UBE2E2: variants seen among roughly 807,000 people sequenced by gnomAD.
The protein encoded by UBE2E2 is ubiquitin conjugating enzyme E2 E2, also known as ubiquitin-conjugating enzyme E2 E2.
UBE2E2 carries 6 observed loss-of-function variants against 24.7 expected under a neutral mutation model. That is an observed-to-expected ratio of 0.24 (90% confidence interval 0.13 to 0.48). The LOEUF (loss-of-function observed/expected upper bound fraction) is 0.48. Ranked by LOEUF, UBE2E2 falls within the 20% of genes least tolerant of loss-of-function variation. The probability of loss-of-function intolerance (pLI) is 0.99; values close to 1 mark genes in which losing one functional copy is unlikely to be tolerated. For missense variants in UBE2E2, 169 were observed against 245.0 expected, an observed-to-expected ratio of 0.69 and a Z score of 2.07; for synonymous variants, 104 against 83.6, an observed-to-expected ratio of 1.24 and a Z score of -1.33.
At chr3:23,479,982 A>G (rs1024772654) in intron 3 of UBE2E2, among the ~76,000 whole-genome samples, 2 of 152,206 alleles carry the variant, frequency 1.3e-5, no homozygotes, top group African/African-American at 4.8e-5. Flanking sequence ...GACTTTGCTC[A>G]GAACTGGCAG....
At chr3:23,395,162 G>T (rs1480400900) in intron 3 of UBE2E2, among the ~76,000 whole-genome samples, 2 of 152,138 alleles carry the variant, frequency 1.3e-5, no homozygotes, top group Non-Finnish European at 2.9e-5. Flanking sequence ...ATCCCTCACA[G>T]CTTCCATCTT....
At chr3:23,268,154 T>A in intron 3 of UBE2E2, among the ~76,000 whole-genome samples, 1 of 148,472 alleles carries the variant, frequency 6.7e-6, no homozygotes, top group Admixed American at 6.7e-5. Context: ...ACAAGACAGG[T>A]TTTCCCTCTC....
intron 3 of UBE2E2, among the ~76,000 whole-genome samples, chr3:23,496,954 C>A (rs1699614496): frequency 6.6e-6 from 1 of 152,172 alleles, no homozygotes; most frequent in Non-Finnish European, 1.5e-5. Flanking sequence ...ATAACATAAA[C>A]ATTTCAATTA....
chr3:23,494,922 C>T (rs951530426), intron 3 of UBE2E2, among the ~76,000 whole-genome samples: 4 of 151,860 alleles, frequency 2.6e-5, no homozygotes, highest in African/African-American at 9.7e-5. Flanking sequence ...CAGGCGCCCA[C>T]CACCACACCT....
Position 23,280,976 on chromosome 3 carries a change from T to C in UBE2E2, c.227+63664T>C, listed in dbSNP as rs1355666439. ...GTCTGGTGAGAGCACTGTTCCTAGT[T>C]TGCAGACAGTCTTCTCATTGTATCC... On this transcript the variant is annotated intron_variant, in intron 3 of 5. Coordinates refer to ENST00000396703, the MANE Select transcript of UBE2E2 (RefSeq NM_152653.4). The surrounding 1 kb of genome is among the most constrained non-coding windows in gnomAD (Gnocchi z 4.3). Among the ~76,000 whole-genome samples, 1 of 152,208 alleles carries C rather than the reference T, an allele frequency of 6.6e-6. No individual in the cohort carries two copies. Among genetic ancestry groups the C allele is most frequent in the Admixed American group, 6.5e-5 (1 of 15,278 alleles).
chr3:23,275,118 C>A (rs950342862), intron 3 of UBE2E2, among the ~76,000 whole-genome samples: 10 of 152,072 alleles, frequency 6.6e-5, no homozygotes, highest in African/African-American at 2.4e-4. Flanking sequence ...TTGTTGATGC[C>A]CACATTCTAG....
chr3:23,272,553 C>T (rs1454627294), intron 3 of UBE2E2, among the ~76,000 whole-genome samples: 1 of 152,208 alleles, frequency 6.6e-6, no homozygotes, highest in Non-Finnish European at 1.5e-5. Flanking sequence ...CACGTTGTCA[C>T]CTCTCAGTAT....
intron 5 of UBE2E2, among the ~76,000 whole-genome samples, chr3:23,544,934 T>G (rs574990499): frequency 1.3e-3 from 198 of 152,278 alleles, no homozygotes; most frequent in African/African-American, 4.5e-3. Flanking sequence ...AACAAAGGTC[T>G]TTGCATCATA....
At chr3:23,223,046 GTCTC>G (rs556472818) in intron 3 of UBE2E2, among the ~76,000 whole-genome samples, 5 of 93,166 alleles carry the variant, frequency 5.4e-5, no homozygotes, top group Non-Finnish European at 9.7e-5. Context: ...TTTTTGAGTT[GTCTC>G]TCTCTGTCAC....
chr3:23,270,295 C>T (rs947954511), intron 3 of UBE2E2, among the ~76,000 whole-genome samples: 7 of 151,676 alleles, frequency 4.6e-5, no homozygotes, highest in Middle Eastern at 3.4e-3. Context: ...GTCTACTGTT[C>T]TGTGGTAGAA....
intron 3 of UBE2E2, among the ~76,000 whole-genome samples, chr3:23,309,991 A>G (rs1694319784): frequency 6.6e-6 from 1 of 152,192 alleles, no homozygotes; most frequent in Admixed American, 6.5e-5. Flanking sequence ...GAATACTCTC[A>G]AAAGTCACAT....
intron 5 of UBE2E2, among the ~76,000 whole-genome samples, chr3:23,566,181 A>C (rs1306898757): frequency 1.3e-5 from 2 of 152,220 alleles, no homozygotes; most frequent in East Asian, 3.8e-4. Flanking sequence ...TAAGGAGAAG[A>C]GCAAAGCATT....
At chr3:23,404,433 G>T (rs1245531208) in intron 3 of UBE2E2, among the ~76,000 whole-genome samples, 1 of 152,050 alleles carries the variant, frequency 6.6e-6, no homozygotes, top group African/African-American at 2.4e-5. Context: ...GTTACTCATA[G>T]CCCATAAACT....
At chr3:23,351,356 A>G (rs1439902506) in intron 3 of UBE2E2, among the ~76,000 whole-genome samples, 1 of 152,218 alleles carries the variant, frequency 6.6e-6, no homozygotes, top group Non-Finnish European at 1.5e-5. Context: ...AGCTAACATC[A>G]TAATGACGGG....
At chr3:23,391,104 C>G (rs773400456) in intron 3 of UBE2E2, among the ~76,000 whole-genome samples, 3 of 152,122 alleles carry the variant, frequency 2.0e-5, no homozygotes, top group Non-Finnish European at 4.4e-5. Flanking sequence ...TATATTATCA[C>G]TATTTTGCAG....
At chr3:23,426,465 C>G (rs887746869) in intron 3 of UBE2E2, among the ~76,000 whole-genome samples, 30 of 145,050 alleles carry the variant, frequency 2.1e-4, no homozygotes, top group African/African-American at 7.1e-4. Flanking sequence ...ATTCAAATTA[C>G]AGAAAATCAG....
chr3:23,552,214 C>T (rs1389891838), intron 5 of UBE2E2, among the ~76,000 whole-genome samples: 1 of 152,116 alleles, frequency 6.6e-6, no homozygotes, highest in Non-Finnish European at 1.5e-5. Flanking sequence ...AGCAGCCAGG[C>T]TTGGTGGCAC....
rs1189753112 is a variant in UBE2E2 at position 23,203,482 on chromosome 3, GC to G, written c.-9+20del. ...CCCCTCAGGTATTCGCTCGGGCCGC[GC>G]CGGTGCCTCCCCTCCTCGGGCGTCC... On this transcript the variant is annotated intron_variant, in intron 1 of 5. Transcript: ENST00000396703. 1.1e-6 allele frequency: 1 copy of G among 952,184 alleles called. No individual in the cohort carries two copies. The highest frequency in any genetic ancestry group is 1.2e-6 in the Non-Finnish European group (1 of 821,670). 59.0% of individuals were successfully genotyped at this position (952,184 alleles called of 1,614,324 possible).
intron 3 of UBE2E2, among the ~76,000 whole-genome samples, chr3:23,383,472 C>A (rs1290445514): frequency 8.0e-6 from 1 of 124,944 alleles, no homozygotes; most frequent in African/African-American, 2.8e-5. Flanking sequence ...ATTTTATCCC[C>A]CTTTTTTTTT....
Sources: gnomAD v4.1 joint callset for allele counts (sites outside exome capture counted in the v4.1 genomes callset) on GRCh38, gnomAD v4.1.1 for gene constraint, Gnocchi (gnomAD v3.1) non-coding constraint, MANE v1.5 for transcripts, NCBI Gene and HGNC (gene_info 2026-07-23, HGNC 2026-07-21) for gene names.